Variants in CDCP1 observed in about 807,000 individuals in gnomAD.
The protein encoded by CDCP1 is CUB domain containing protein 1, also known as CUB domain-containing protein 1.
CDCP1 carries 29 observed loss-of-function variants against 60.2 expected under a neutral mutation model. The observed-to-expected ratio is 0.48, with a 90% CI of 0.36 to 0.66. The LOEUF (loss-of-function observed/expected upper bound fraction) is 0.66, where lower values mean the gene tolerates loss of function less well. CDCP1 is among the 30% of genes least tolerant of loss of function. The probability of loss-of-function intolerance (pLI) is 0.00; values close to 1 mark genes in which losing one functional copy is unlikely to be tolerated. For synonymous variants in CDCP1, 387 were observed against 431.1 expected (o/e 0.90, Z 1.27); for missense variants, 876 against 1,074.3 (o/e 0.82, Z 2.58).
intron 4 of CDCP1, among the ~76,000 whole-genome samples, chr3:45,096,490 T>A (rs1698400868): frequency 6.6e-6 from 1 of 151,772 alleles, no homozygotes; most frequent in Non-Finnish European, 1.5e-5. Flanking sequence ...CTGGGTGTGG[T>A]GGTACATGCC....
chr3:45,101,186 C>A (rs562740020), intron 4 of CDCP1, among the ~76,000 whole-genome samples: 2 of 152,310 alleles, frequency 1.3e-5, no homozygotes, highest in Admixed American at 1.3e-4. Context: ...TTGGCCAAAG[C>A]AAACCCACAT....
chr3:45,113,633 T>C (rs761808717), intron 2 of CDCP1, among the ~76,000 whole-genome samples: 20 of 152,294 alleles, frequency 1.3e-4, no homozygotes, highest in Non-Finnish European at 2.2e-4. Flanking sequence ...GACCTCTAAT[T>C]TTTGCAAAGC....
At position 45,091,640 on chromosome 3, in the gene CDCP1, C is replaced by T. The variant is rs1195486948; in HGVS notation, c.1628-102G>A. ...CGAAGTCCAACTGTCCAGACCAGCGCTGTCTAACCGAACTTTCTGCGATGA... is the reference window on the plus strand; with the variant it reads ...CGAAGTCCAACTGTCCAGACCAGCGTTGTCTAACCGAACTTTCTGCGATGA... On this transcript the variant is annotated intron_variant, in intron 6 of 8. Coordinates refer to ENST00000296129, the MANE Select transcript of CDCP1 (RefSeq NM_022842.5). This position sits in a 1 kb window ranked among gnomAD's most constrained non-coding sequence, Gnocchi z 4.8. The T allele has an allele frequency of 3.6e-6, 5 of 1,378,308 alleles. No individual in the cohort carries two copies. Among genetic ancestry groups the T allele is most frequent in the Non-Finnish European group, 4.8e-6 (5 of 1,042,690 alleles). 85.4% of individuals were successfully genotyped at this position (1,378,308 alleles called of 1,614,324 possible). A position where few individuals can be genotyped will look rare whatever the true frequency, so the allele number is the denominator to read the frequency against.
chr3:45,103,910 T>A, intron 4 of CDCP1, among the ~76,000 whole-genome samples: 1 of 152,230 alleles, frequency 6.6e-6, no homozygotes, highest in East Asian at 1.9e-4. Flanking sequence ...AGGTATTCTG[T>A]TATGGCAACA....
intron 1 of CDCP1, among the ~76,000 whole-genome samples, chr3:45,121,593 T>C (rs1414344700): frequency 6.6e-6 from 1 of 152,100 alleles, no homozygotes; most frequent in Non-Finnish European, 1.5e-5. Context: ...TTTTATCCTT[T>C]ATTTAAAAAT....
intron 4 of CDCP1, among the ~76,000 whole-genome samples, chr3:45,108,396 T>C (rs1010604222): frequency 6.6e-6 from 1 of 152,156 alleles, no homozygotes; most frequent in Non-Finnish European, 1.5e-5. Flanking sequence ...TTATTGCCCT[T>C]TAATCTCAGC....
intron 1 of CDCP1, among the ~76,000 whole-genome samples, chr3:45,125,875 T>C (rs1698972387): frequency 6.6e-6 from 1 of 152,242 alleles, no homozygotes; most frequent in African/African-American, 2.4e-5. Context: ...TAATAGGCCC[T>C]TCTACATGTT....
intron 1 of CDCP1, among the ~76,000 whole-genome samples, chr3:45,126,180 TTCTCTCTCTCTC>T (rs1339251317): frequency 2.4e-5 from 3 of 123,396 alleles, no homozygotes; most frequent in Admixed American, 9.1e-5. Context: ...CTTTCCTTCT[TTCTCTCTCTCTC>T]TCTTTCTTTC....
chr3:45,082,323 T>G lies in CDCP1; in HGVS notation c.*3315A>C, dbSNP rs2125986672. Reference sequence around the variant, plus strand: ...ATTTTTATTTCCGGACAAAAACATCTGCTTCACACAGTGCACGGCATCAAA... The same window carrying G: ...ATTTTTATTTCCGGACAAAAACATCGGCTTCACACAGTGCACGGCATCAAA... On this transcript the variant is annotated 3_prime_UTR_variant, in exon 9 of 9. Coordinates refer to ENST00000296129, the MANE Select transcript of CDCP1 (RefSeq NM_022842.5). 1 of 152,326 alleles carries G rather than the reference T, an allele frequency of 6.6e-6. No homozygotes were observed. The highest frequency in any genetic ancestry group is 1.5e-5 in the Non-Finnish European group (1 of 68,030). 9.4% of individuals were successfully genotyped at this position (152,326 alleles called of 1,614,324 possible).
chr3:45,126,130 C>CTTTCTTTCTT (rs1553611000), intron 1 of CDCP1, among the ~76,000 whole-genome samples: 1 of 132,192 alleles, frequency 7.6e-6, no homozygotes, highest in Admixed American at 7.7e-5. Flanking sequence ...TTCTTTCTTT[C>CTTTCTTTCTT]TTTCTTTCTT....
Position 45,093,754 on chromosome 3 carries a change from G to A in CDCP1, c.1247-97C>T, listed in dbSNP as rs373966564. ...GCCTGAGGTTGGGTGTCTGCATGCT[G>A]CCCTGTGTTTCCCTTCGGTCTCTCT... is the stretch of plus-strand genomic sequence containing the variant. On this transcript the variant is annotated intron_variant, in intron 5 of 8. Coordinates refer to ENST00000296129, the MANE Select transcript of CDCP1 (RefSeq NM_022842.5). The A allele has an allele frequency of 4.3e-5, 60 of 1,391,362 alleles. 1 individual carries two copies. Among genetic ancestry groups the A allele is most frequent in the East Asian group, 4.2e-4 (18 of 43,336 alleles). The allele number at this position is 1,391,362 out of a possible 1,614,324, so 86.2% of individuals were successfully genotyped here.
intron 4 of CDCP1, among the ~76,000 whole-genome samples, chr3:45,096,672 T>C (rs1193626286): frequency 2.8e-5 from 3 of 107,364 alleles, no homozygotes; most frequent in Admixed American, 2.8e-4. Flanking sequence ...AACCTAAATA[T>C]AAATATTGAG....
At chr3:45,110,078 G>T in intron 4 of CDCP1, 1 of 406,700 alleles carries the variant, frequency 2.5e-6, no homozygotes, top group Non-Finnish European at 3.5e-6. Context: ...AAGATGACAT[G>T]CAGAGTATGT....
chr3:45,085,605 T>C lies in CDCP1; in HGVS notation c.*33A>G. ...ACGGGTGTCTCAGTGCCCTGCTTTA[T>C]GAAACTCAGCAAAGCGTCTGGAATG... On this transcript the variant is annotated 3_prime_UTR_variant, in exon 9 of 9. Transcript: ENST00000296129. The surrounding 1 kb of genome is among the most constrained non-coding windows in gnomAD (Gnocchi z 4.2). 1.3e-6 allele frequency: 2 copies of C among 1,576,120 alleles called. No homozygotes were observed. Among genetic ancestry groups the C allele is most frequent in the African/African-American group, 1.4e-5 (1 of 73,938 alleles).
At chr3:45,118,328 A>G in intron 2 of CDCP1, 84 bp downstream of exon 2, 1 of 1,028,538 alleles carries the variant, frequency 9.7e-7, no homozygotes, top group Non-Finnish European at 1.5e-6. Context: ...AGCATTAGAG[A>G]CTGACTTAGC....
intron 4 of CDCP1, among the ~76,000 whole-genome samples, chr3:45,102,882 C>T (rs987620590): frequency 6.6e-6 from 1 of 151,868 alleles, no homozygotes; most frequent in Non-Finnish European, 1.5e-5. Context: ...TGGTCTCAGA[C>T]TCCTTTGGGC....
At chr3:45,119,519 G>C (rs990539373) in intron 1 of CDCP1, among the ~76,000 whole-genome samples, 1 of 152,172 alleles carries the variant, frequency 6.6e-6, no homozygotes, top group African/African-American at 2.4e-5. Context: ...TAAATCCTGT[G>C]GAGGGAGCCT....
intron 1 of CDCP1, among the ~76,000 whole-genome samples, chr3:45,119,420 C>A (rs1451080795): frequency 6.6e-6 from 1 of 152,204 alleles, no homozygotes; most frequent in East Asian, 1.9e-4. Flanking sequence ...TTAGCTGACA[C>A]TGCCCCTGCC....
At chr3:45,086,391 T>G (rs1698195115) in intron 8 of CDCP1, among the ~76,000 whole-genome samples, 1 of 152,170 alleles carries the variant, frequency 6.6e-6, no homozygotes, top group Non-Finnish European at 1.5e-5. Flanking sequence ...CATCTGACAA[T>G]CTCTTTCCCC....
Sources: allele counts gnomAD v4.1 joint callset (sites outside exome capture counted in the v4.1 genomes callset), GRCh38; gene constraint gnomAD v4.1.1; non-coding constraint Gnocchi (gnomAD v3.1); transcripts MANE v1.5; gene names NCBI Gene and HGNC (gene_info 2026-07-23, HGNC 2026-07-21).